The following OSBPL8 variants were observed in gnomAD, a reference collection of about 807,000 sequenced individuals.
The protein encoded by OSBPL8 is oxysterol binding protein like 8.
Under a neutral mutation model 125.5 loss-of-function variants are expected in OSBPL8, and 59 were observed. That is an observed-to-expected ratio of 0.47 (90% confidence interval 0.38 to 0.58). The LOEUF is 0.58. Among genes scored for constraint, OSBPL8 ranks in the 20% least tolerant of loss-of-function variants. The pLI is 0.00. For synonymous variants in OSBPL8, 330 were observed against 338.9 expected, an observed-to-expected ratio of 0.97 and a Z score of 0.29; for missense variants, 758 against 1,047.8, an observed-to-expected ratio of 0.72 and a Z score of 3.82.
chr12:76,422,221 G>C (rs572715849), intron 4 of OSBPL8, among the ~76,000 whole-genome samples: 3 of 152,022 alleles, frequency 2.0e-5, no homozygotes, highest in African/African-American at 7.2e-5. Context: ...GTCTAGAAGG[G>C]CTTTAATTTT....
At chr12:76,522,303 C>T (rs573961812) in intron 1 of OSBPL8, among the ~76,000 whole-genome samples, 8 of 149,334 alleles carry the variant, frequency 5.4e-5, no homozygotes, top group Non-Finnish European at 8.9e-5. Flanking sequence ...CAATAAAATC[C>T]AAAAAATGAA....
intron 13 of OSBPL8, 146 bp downstream of exon 13, chr12:76,386,433 C>T (rs780496946): frequency 7.8e-7 from 1 of 1,285,152 alleles, no homozygotes; most frequent in South Asian, 1.7e-5. Flanking sequence ...AATCATAATA[C>T]ATGTCTAAAT....
At chr12:76,514,458 G>A (rs1881335400) in intron 1 of OSBPL8, among the ~76,000 whole-genome samples, 1 of 151,918 alleles carries the variant, frequency 6.6e-6, no homozygotes, top group South Asian at 2.1e-4. Flanking sequence ...GAAATTCTTT[G>A]TTGAACAATT....
chr12:76,456,649 T>C (rs2136788555), intron 3 of OSBPL8, among the ~76,000 whole-genome samples: 1 of 152,162 alleles, frequency 6.6e-6, no homozygotes, highest in East Asian at 1.9e-4. Context: ...AAAACTTAAG[T>C]ACTAATAGCC....
chr12:76,550,147 A>C (rs1950896200), intron 1 of OSBPL8, among the ~76,000 whole-genome samples: 1 of 152,266 alleles, frequency 6.6e-6, no homozygotes, highest in Admixed American at 6.5e-5. Context: ...TAGTACAAGA[A>C]AAGAGGGCAA....
chr12:76,402,773 T>C lies in OSBPL8; in HGVS notation c.289-7A>G. On this transcript the variant is annotated splice_polypyrimidine_tract_variant and splice_region_variant and intron_variant, in intron 5 of 23. Coordinates refer to ENST00000261183, the MANE Select transcript of OSBPL8 (RefSeq NM_020841.5). Reference sequence around the variant, plus strand: ...TATAAAGTTTAGATTCAGACTGAAATCATACAGAAACAAGAGAAATTAAAT... The same window carrying C: ...TATAAAGTTTAGATTCAGACTGAAACCATACAGAAACAAGAGAAATTAAAT... 6.4e-7 allele frequency: 1 copy of C among 1,563,982 alleles called. No individual in the cohort carries two copies. Among genetic ancestry groups the C allele is most frequent in the Non-Finnish European group, 8.8e-7 (1 of 1,139,704 alleles).
In OSBPL8 at chr12:76,357,842, A is replaced by ATT. The variant is rs779821501; in HGVS notation, c.2434+862_2434+863dup. The stretch of plus-strand genomic sequence containing the variant: ...CTAGTTCAGTGTAAACTCAGTAGAG[A>ATT]TTATGGCTTAAAGTTTTTTTTTTTT... On this transcript the variant is annotated intron_variant, in intron 22 of 23. Coordinates refer to ENST00000261183, the MANE Select transcript of OSBPL8 (RefSeq NM_020841.5). Among the ~76,000 whole-genome samples the ATT allele has an allele frequency of 6.8e-4, 103 of 152,002 alleles. 1 individual carries two copies. The highest frequency in any genetic ancestry group is 6.3e-4 in the Non-Finnish European group (43 of 67,962).
chr12:76,413,975 C>T (rs555904366), intron 4 of OSBPL8, among the ~76,000 whole-genome samples: 9 of 152,084 alleles, frequency 5.9e-5, no homozygotes, highest in Non-Finnish European at 1.3e-4. Context: ...AAGGTTAATG[C>T]TTTGGGGTCT....
At chr12:76,383,141 T>C (rs562752658) in intron 15 of OSBPL8, among the ~76,000 whole-genome samples, 41 of 152,224 alleles carry the variant, frequency 2.7e-4, no homozygotes, top group African/African-American at 9.6e-4. Context: ...CTCTGATGTA[T>C]ATAAATTGTA....
Position 76,390,703 on chromosome 12 carries a change from A to C in OSBPL8, c.930-46T>G, listed in dbSNP as rs376394722. The C allele has an allele frequency of 1.8e-5, 20 of 1,109,602 alleles. No homozygotes were observed. In the African/African-American group the frequency reaches 2.9e-4, roughly 16 times the overall value. The allele number at this position is 1,109,602 out of a possible 1,614,324, so 68.7% of individuals were successfully genotyped here. A position where few individuals can be genotyped will look rare whatever the true frequency, so the allele number is the denominator to read the frequency against. On this transcript the variant is annotated intron_variant, in intron 10 of 23. Transcript: ENST00000261183. The stretch of plus-strand genomic sequence containing the variant: ...GGAGGAAGAATCAAGGATGTTAAGA[A>C]TGCTCAATTCATAAATAATAATTAT...
intron 15 of OSBPL8, 49 bp downstream of exon 15, chr12:76,384,204 GA>G: frequency 8.8e-7 from 1 of 1,139,008 alleles, no homozygotes. Flanking sequence ...AAGCTCACCA[GA>G]AAATAATACC....
intron 1 of OSBPL8, among the ~76,000 whole-genome samples, chr12:76,535,383 C>T (rs938025113): frequency 7.9e-5 from 12 of 151,892 alleles, no homozygotes; most frequent in African/African-American, 2.9e-4. Context: ...ATCAGCGAAA[C>T]GCAAATGAAA....
chr12:76,435,259 A>G (rs1871315859), intron 4 of OSBPL8, among the ~76,000 whole-genome samples: 1 of 152,092 alleles, frequency 6.6e-6, no homozygotes, highest in Non-Finnish European at 1.5e-5. Flanking sequence ...CAACACAGAC[A>G]ATGCTGGAGG....
intron 5 of OSBPL8, 62 bp downstream of exon 5, chr12:76,410,502 A>G: frequency 8.5e-7 from 1 of 1,174,078 alleles, no homozygotes; most frequent in Non-Finnish European, 1.3e-6. Context: ...TTTCAGTGTT[A>G]GTTCCCTCAT....
chr12:76,493,798 T>G (rs1472014872), intron 1 of OSBPL8, among the ~76,000 whole-genome samples: 1 of 152,184 alleles, frequency 6.6e-6, no homozygotes. Context: ...AAATAAGCTT[T>G]CTGTCTCTCT....
At chr12:76,496,970 C>A (rs529999329) in intron 1 of OSBPL8, among the ~76,000 whole-genome samples, 6 of 152,280 alleles carry the variant, frequency 3.9e-5, no homozygotes, top group Non-Finnish European at 8.8e-5. Flanking sequence ...TGAGCCACCA[C>A]GCCTGGCCCC....
chr12:76,548,440 T>A (rs1950843989), intron 1 of OSBPL8, among the ~76,000 whole-genome samples: 1 of 152,050 alleles, frequency 6.6e-6, no homozygotes, highest in Non-Finnish European at 1.5e-5. Context: ...GAACTGAGTA[T>A]TACTTGACTA....
chr12:76,531,723 T>C (rs1019013018), intron 1 of OSBPL8, among the ~76,000 whole-genome samples: 1 of 152,048 alleles, frequency 6.6e-6, no homozygotes, highest in Non-Finnish European at 1.5e-5. Flanking sequence ...GTATAGTAAT[T>C]AAGTACTGCG....
intron 15 of OSBPL8, among the ~76,000 whole-genome samples, chr12:76,378,968 C>A (rs1444839793): frequency 6.6e-6 from 1 of 152,028 alleles, no homozygotes; most frequent in Non-Finnish European, 1.5e-5. Context: ...CAGGGTTTCC[C>A]CATGTTGGCC....
Sources: gnomAD v4.1 joint callset for allele counts (sites outside exome capture counted in the v4.1 genomes callset) on GRCh38, gnomAD v4.1.1 for gene constraint, MANE v1.5 for transcripts, NCBI Gene and HGNC (gene_info 2026-07-23, HGNC 2026-07-21) for gene names.